The following TCF7L2 variants were observed in gnomAD, a reference collection of about 807,000 sequenced individuals.
TCF7L2 encodes the protein transcription factor 7 like 2, also known as transcription factor 7-like 2.
A neutral mutation model predicts 77.9 loss-of-function variants in TCF7L2; 23 were observed. The observed-to-expected ratio is 0.30, with a 90% CI of 0.21 to 0.42. The LOEUF (loss-of-function observed/expected upper bound fraction) is 0.42, where lower values mean the gene tolerates loss of function less well. Among genes scored for constraint, TCF7L2 ranks in the 10% least tolerant of loss-of-function variants. The probability of loss-of-function intolerance (pLI) is 1.00; values close to 1 mark genes in which losing one functional copy is unlikely to be tolerated. For missense variants in TCF7L2, 654 were observed against 793.1 expected (o/e 0.82, Z 2.11); for synonymous variants, 413 against 340.2 (o/e 1.21, Z -2.36).
chr10:113,054,599 A>G (rs906415810), intron 5 of TCF7L2, among the ~76,000 whole-genome samples: 2 of 152,162 alleles, frequency 1.3e-5, no homozygotes, highest in African/African-American at 2.4e-5. Flanking sequence ...AAAATACAGA[A>G]AGGTACAAAG....
At chr10:113,060,154 A>T (rs953327086) in intron 5 of TCF7L2, among the ~76,000 whole-genome samples, 4 of 152,230 alleles carry the variant, frequency 2.6e-5, no homozygotes, top group Admixed American at 2.0e-4. Flanking sequence ...TGGAATTTTA[A>T]AAAACAAAAT....
intron 5 of TCF7L2, among the ~76,000 whole-genome samples, chr10:113,138,240 T>C (rs2067715420): frequency 6.7e-6 from 1 of 149,152 alleles, no homozygotes. Context: ...TCCAGTTCCC[T>C]GCCACCCCCT....
chr10:113,096,492 T>G (rs1214843511), intron 5 of TCF7L2, among the ~76,000 whole-genome samples: 1 of 152,212 alleles, frequency 6.6e-6, no homozygotes, highest in African/African-American at 2.4e-5. Flanking sequence ...ATCTTTCACC[T>G]TTTACTTCAC....
intron 5 of TCF7L2, among the ~76,000 whole-genome samples, chr10:113,128,939 TTC>T (rs927889386): frequency 2.6e-5 from 4 of 151,798 alleles, no homozygotes; most frequent in South Asian, 2.1e-4. Flanking sequence ...TTTCCCTTCC[TTC>T]TCTCTCTCTC....
chr10:112,951,298 AGCCGCCCGGAGCCGCCCCCCGGGCCG>A lies in TCF7L2; in HGVS notation c.256+33_256+58del, dbSNP rs770962005. On this transcript the variant is annotated intron_variant, in intron 2 of 13. Transcript: ENST00000627217. ...GGTGAGTACGCCCCGCGCGCCCCGC[AGCCGCCCGGAGCCGCCCCCCGGGCCG>A]GCCGCCCCGCGCGCCCCGGCCCCGC... is the stretch of plus-strand genomic sequence containing the variant. 4,070 of 1,120,158 alleles carry A rather than the reference AGCCGCCCGGAGCCGCCCCCCGGGCCG, an allele frequency of 3.6e-3. 13 individuals are homozygous for A. The highest frequency in any genetic ancestry group is 0.011 in the South Asian group (384 of 34,884). The allele number at this position is 1,120,158 out of a possible 1,614,324, so 69.4% of individuals were successfully genotyped here.
chr10:113,150,947 CTCAT>C (rs746830740), intron 8 of TCF7L2, 47 bp from the exon 9 acceptor site: 44 of 1,611,696 alleles, frequency 2.7e-5, no homozygotes, highest in African/African-American at 2.7e-4. Flanking sequence ...CACATCCCTC[CTCAT>C]TCATTCATTT....
chr10:112,986,600 A>G (rs2041586615), intron 4 of TCF7L2, among the ~76,000 whole-genome samples: 1 of 152,164 alleles, frequency 6.6e-6, no homozygotes, highest in East Asian at 1.9e-4. Context: ...GTAAAGCTAT[A>G]ATCGGTCTGC....
At chr10:113,049,999 A>C (rs535651229) in intron 5 of TCF7L2, among the ~76,000 whole-genome samples, 1 of 152,106 alleles carries the variant, frequency 6.6e-6, no homozygotes, top group African/African-American at 2.4e-5. Context: ...ATGCTTCCCA[A>C]CTGTGCCACA....
rs201875922 is a variant in TCF7L2 at position 113,151,070 on chromosome 10, A to G, written c.948A>G (p.Thr316=). ...GCATTCCGCATCCGGCCATAGTCAC[A>G]CCAACAGTCAAACAGGAATCGTCCC... Residue 316 remains threonine (T), a synonymous_variant, in exon 9 of 14, where the codon ACA becomes ACG. Transcript: ENST00000627217. The surrounding 1 kb of genome is among the most constrained non-coding windows in gnomAD (Gnocchi z 5.2). 1.8e-3 allele frequency: 2,918 copies of G among 1,614,156 alleles called. 76 individuals carry two copies. In the South Asian group the frequency reaches 0.03, roughly 17 times the overall value.
chr10:112,982,633 T>G (rs150272503), intron 4 of TCF7L2, among the ~76,000 whole-genome samples: 110 of 152,188 alleles, frequency 7.2e-4, no homozygotes, highest in African/African-American at 2.4e-3. Flanking sequence ...TTTTGTTTTC[T>G]TCTTTGAGAT....
chr10:112,996,763 G>A (rs1303751540), intron 4 of TCF7L2, among the ~76,000 whole-genome samples: 1 of 152,234 alleles, frequency 6.6e-6, no homozygotes, highest in African/African-American at 2.4e-5. Context: ...CCTCCACTGA[G>A]GGAAGTGAAA....
rs759234509 is a variant in TCF7L2 at position 113,165,735 on chromosome 10, C to T, written c.1572C>T (p.Asp524=). 1.9e-5 allele frequency: 31 copies of T among 1,612,444 alleles called. No individual in the cohort carries two copies. In the South Asian group the frequency reaches 2.4e-4, roughly 13 times the overall value. The change falls in exon 14 of 14, where the codon GAC becomes GAT. Residue 524 remains aspartate, a synonymous_variant. Coordinates refer to ENST00000627217, the MANE Select transcript of TCF7L2 (RefSeq NM_001146274.2). The stretch of plus-strand genomic sequence containing the variant: ...CTCTGTCGCTGTCCCTGAAGCCCGA[C>T]CCCCTGGCCCACCTGTCCATGATGC...
chr10:112,960,017 T>A (rs1394187004), intron 3 of TCF7L2, among the ~76,000 whole-genome samples: 1 of 151,806 alleles, frequency 6.6e-6, no homozygotes, highest in Non-Finnish European at 1.5e-5. Context: ...GAAAGCCAGG[T>A]GATTCATAAA....
At chr10:112,979,037 A>G (rs1269002597) in intron 4 of TCF7L2, among the ~76,000 whole-genome samples, 1 of 151,852 alleles carries the variant, frequency 6.6e-6, no homozygotes, top group Non-Finnish European at 1.5e-5. Context: ...GAAGACTCCA[A>G]CCCTCTTTTA....
rs147501371 is a variant in TCF7L2 at position 112,983,807 on chromosome 10, G to A, written c.450+19183G>A. ...GGTGTTTCACTGCAGGTGAGTCTGTGCACACAGCATAGGTCAGCTTGTTGG... is the reference window on the plus strand; with the variant it reads ...GGTGTTTCACTGCAGGTGAGTCTGTACACACAGCATAGGTCAGCTTGTTGG... On this transcript the variant is annotated intron_variant, in intron 4 of 13. Transcript: ENST00000627217. Among the ~76,000 whole-genome samples, 733 of 152,328 alleles carry A rather than the reference G, an allele frequency of 4.8e-3. 3 individuals carry two copies. The highest frequency in any genetic ancestry group is 7.9e-3 in the Non-Finnish European group (539 of 68,030).
At chr10:113,080,370 G>GGTAT (rs996716306) in intron 5 of TCF7L2, among the ~76,000 whole-genome samples, 10 of 151,934 alleles carry the variant, frequency 6.6e-5, no homozygotes, top group African/African-American at 2.4e-4. Flanking sequence ...GGATGCCCTG[G>GGTAT]GTATATACTC....
chr10:113,151,857 G>A lies in TCF7L2; in HGVS notation c.1134G>A (p.Ala378=), dbSNP rs375748811. The change falls in exon 10 of 14, where the codon GCG becomes GCA. Residue 378 remains alanine, a synonymous_variant. Coordinates refer to ENST00000627217, the MANE Select transcript of TCF7L2 (RefSeq NM_001146274.2). This position sits in a 1 kb window ranked among gnomAD's most constrained non-coding sequence, Gnocchi z 5.2. The stretch of plus-strand genomic sequence containing the variant: ...CTGAGTGCACGTTGAAAGAAAGCGC[G>A]GCCATCAACCAGATCCTTGGGCGGA... 4.3e-6 allele frequency: 7 copies of A among 1,610,792 alleles called. No individual in the cohort carries two copies. Among genetic ancestry groups the A allele is most frequent in the Admixed American group, 1.7e-5 (1 of 59,054 alleles).
At chr10:113,161,998 C>T (rs1468999050) in intron 13 of TCF7L2, among the ~76,000 whole-genome samples, 2 of 152,202 alleles carry the variant, frequency 1.3e-5, no homozygotes, top group Non-Finnish European at 2.9e-5. Context: ...TGACACAGTC[C>T]TGGGGTCTTC....
intron 4 of TCF7L2, among the ~76,000 whole-genome samples, chr10:112,975,143 A>C (rs2039147886): frequency 6.6e-6 from 1 of 152,216 alleles, no homozygotes; most frequent in Non-Finnish European, 1.5e-5. Flanking sequence ...TAAAGTTTAA[A>C]AGTAGGTACG....
Sources: gnomAD v4.1 joint callset for allele counts (sites outside exome capture counted in the v4.1 genomes callset) on GRCh38, gnomAD v4.1.1 for gene constraint, Gnocchi (gnomAD v3.1) non-coding constraint, MANE v1.5 for transcripts, NCBI Gene and HGNC (gene_info 2026-07-23, HGNC 2026-07-21) for gene names.